DNASE2: variants seen among roughly 807,000 people sequenced by gnomAD.
DNASE2 encodes deoxyribonuclease-2-alpha.
DNASE2 carries 26 observed loss-of-function variants against 29.8 expected under a neutral mutation model. That is an observed-to-expected ratio of 0.87 (90% CI 0.64 to 1.21). The LOEUF is 1.21. Among genes scored for constraint, DNASE2 ranks in the 50% most tolerant of loss-of-function variants. The pLI, the probability that DNASE2 is intolerant of heterozygous loss-of-function variation, is 0.00. For synonymous variants in DNASE2, 186 were observed against 193.5 expected (o/e 0.96, Z 0.32); for missense variants, 415 against 455.6 (o/e 0.91, Z 0.81).
intron 2 of DNASE2, 40 bp downstream of exon 2, chr19:12,880,932 C>T (rs1225462780): frequency 2.5e-6 from 4 of 1,614,076 alleles, no homozygotes; most frequent in East Asian, 2.2e-5. Context: ...GCAGGGCAGC[C>T]CTAGAGTTTC....
At chr19:12,880,318 C>T (rs1408717128) in intron 3 of DNASE2, among the ~76,000 whole-genome samples, 3 of 151,294 alleles carry the variant, frequency 2.0e-5, no homozygotes, top group African/African-American at 4.9e-5. Context: ...GGGGAGATCT[C>T]CCACCCCACT....
intron 5 of DNASE2, 191 bp downstream of exon 5, chr19:12,878,180 TCAGATGAGTAG>T: frequency 3.1e-6 from 2 of 650,140 alleles, no homozygotes; most frequent in Admixed American, 5.1e-5. Flanking sequence ...TCCCCATTTT[TCAGATGAGTAG>T]ACCAAGGCTC....
At position 12,878,362 on chromosome 19, in the gene DNASE2, C is replaced by A; in HGVS notation, c.709+20G>T. ...TGTCTGCAGAGAAGGAGCTCTCCAA[C>A]CCTCAACCTTGAGACTCACCATCTC... On this transcript the variant is annotated intron_variant, in intron 5 of 5. Coordinates refer to ENST00000222219, the MANE Select transcript of DNASE2 (RefSeq NM_001375.3). 1 of 1,612,258 alleles carries A rather than the reference C, an allele frequency of 6.2e-7. No homozygotes were observed. The highest frequency in any genetic ancestry group is 1.3e-5 in the African/African-American group (1 of 74,986).
rs1302041511 is a variant in DNASE2, at chr19:12,878,580, C to T, written c.512-1G>A. The T allele has an allele frequency of 6.2e-7, 1 of 1,614,046 alleles. No individual in the cohort carries two copies. The highest frequency in any genetic ancestry group is 8.5e-7 in the Non-Finnish European group (1 of 1,180,010). On this transcript the variant is annotated splice_acceptor_variant, in intron 4 of 5. Transcript: ENST00000222219. LOFTEE classifies it high-confidence loss of function. The stretch of plus-strand genomic sequence containing the variant: ...GGGTAGGTGTAGGTCAGCTGCTTGC[C>T]TGGAGGACAAGGGGAGGAGGAAATG...
At position 12,881,132 on chromosome 19, in the gene DNASE2, G is replaced by A; in HGVS notation, c.107C>T (p.Pro36Leu). 6.2e-7 allele frequency: 1 copy of A among 1,611,872 alleles called. No homozygotes were observed. The highest frequency in any genetic ancestry group is 8.5e-7 in the Non-Finnish European group (1 of 1,179,996). ...PVDWFVVYKL[P>L]ALRGSGEAAQ... ...CGCCTCCCCGGACCCTCTAAGAGCT[G>A]GCAGCTTGTAGACCACGAACCTGGA... Residue 36 changes from proline to leucine, a missense_variant, in exon 2 of 6, where the codon CCA becomes CTA. Transcript: ENST00000222219.
At chr19:12,878,169 AT>A in intron 5 of DNASE2, 1 of 616,380 alleles carries the variant, frequency 1.6e-6, no homozygotes, top group Non-Finnish European at 2.9e-6. Context: ...AGATGTCAGT[AT>A]CCCCATTTTT....
Position 12,878,406 on chromosome 19 carries a change from C to A in DNASE2, c.685G>T (p.Ala229Ser), listed in dbSNP as rs759396010. 6.2e-7 allele frequency: 1 copy of A among 1,612,934 alleles called. No homozygotes were observed. Among genetic ancestry groups the A allele is most frequent in the Non-Finnish European group, 8.5e-7 (1 of 1,180,026 alleles). ...SQAGAVFQSF[A>S]KFSKFGDDLY... ...CCATCTCCAAATTTGCTGAACTTGG[C>A]AAAGCTCTGGAAAACAGCCCCGGCC... is the stretch of plus-strand genomic sequence containing the variant. Residue 229 changes from alanine to serine, a missense_variant, in exon 5 of 6, where the codon GCC becomes TCC. Coordinates refer to ENST00000222219, the MANE Select transcript of DNASE2 (RefSeq NM_001375.3).
chr19:12,877,346 T>G (rs1970333038), intron 5 of DNASE2, among the ~76,000 whole-genome samples: 1 of 150,842 alleles, frequency 6.6e-6, no homozygotes, highest in Non-Finnish European at 1.5e-5. Context: ...CTCAAGCTGT[T>G]CTCCCACCTC....
At chr19:12,879,965 C>G (rs988367062) in intron 3 of DNASE2, among the ~76,000 whole-genome samples, 1 of 152,044 alleles carries the variant, frequency 6.6e-6, no homozygotes, top group African/African-American at 2.4e-5. Flanking sequence ...TTTAGCTGGG[C>G]ATGGTGGCGC....
In DNASE2 at chr19:12,875,980, G is replaced by A. The variant is rs1247986270; in HGVS notation, c.*10C>T. On this transcript the variant is annotated 3_prime_UTR_variant, in exon 6 of 6. Transcript: ENST00000222219. ...TTACATACGTGAGCCACTGCACCTG[G>A]CCATAAGGGTTAGATCTTATAAGCT... The A allele has an allele frequency of 6.2e-7, 1 of 1,612,314 alleles. No homozygotes were observed. The highest frequency in any genetic ancestry group is 2.2e-5 in the East Asian group (1 of 44,874).
intron 4 of DNASE2, 43 bp from the exon 5 acceptor site, chr19:12,878,622 T>A (rs1568418462): frequency 1.2e-6 from 2 of 1,613,910 alleles, no homozygotes; most frequent in Admixed American, 3.3e-5. Context: ...CGTTCCAGGT[T>A]CTGGTCAGTA....
rs1037245085 is a variant in DNASE2, at chr19:12,881,129, G to A, written c.110C>T (p.Ala37Val). 1.2e-6 allele frequency: 2 copies of A among 1,611,896 alleles called. No homozygotes were observed. Among genetic ancestry groups the A allele is most frequent in the African/African-American group, 1.3e-5 (1 of 75,064 alleles). ...VDWFVVYKLP[A>V]LRGSGEAAQR... is the part of the protein sequence containing the mutation. ...CGCCGCCTCCCCGGACCCTCTAAGA[G>A]CTGGCAGCTTGTAGACCACGAACCT... Residue 37 changes from alanine (A) to valine (V), a missense_variant, in exon 2 of 6, where the codon GCT becomes GTT. Physicochemically the swap from Ala to Val is moderately conservative, Grantham distance 64 (BLOSUM62 0). Transcript: ENST00000222219.
intron 5 of DNASE2, 117 bp from the exon 6 acceptor site, chr19:12,876,480 C>T (rs1449306976): frequency 9.1e-7 from 1 of 1,101,068 alleles, no homozygotes; most frequent in Non-Finnish European, 1.2e-6. Context: ...TTTTTTTTGA[C>T]ATGGAGTCTT....
chr19:12,878,430 C>T lies in DNASE2; in HGVS notation c.661G>A (p.Ala221Thr), dbSNP rs763803681. 2.5e-6 allele frequency: 4 copies of T among 1,613,530 alleles called. No homozygotes were observed. The highest frequency in any genetic ancestry group is 1.1e-5 in the South Asian group (1 of 91,044). ...GCAAAGCTCTGGAAAACAGCCCCGG[C>T]CTGGGATGTGAGTGTGATGCTGCTG... Reference protein sequence around the residue: ...WNSSITLTSQAGAVFQSFAKF... With the variant: ...WNSSITLTSQTGAVFQSFAKF... Residue 221 changes from alanine to threonine, a missense_variant, in exon 5 of 6, where the codon GCC becomes ACC. By Grantham distance (58) the Ala-to-Thr change is moderately conservative. Transcript: ENST00000222219.
In DNASE2 at chr19:12,876,052, C is replaced by A. The variant is rs372056336; in HGVS notation, c.1021G>T (p.Val341Leu). The A allele has an allele frequency of 2.8e-5, 45 of 1,613,908 alleles. No homozygotes were observed. The highest frequency in any genetic ancestry group is 3.1e-5 in the Non-Finnish European group (37 of 1,180,018). Reference sequence around the variant, plus strand: ...CCATTACAGGGCTGGTAGTTCTTCACCAGCGGCTGGAAGGCTTTCCAGAGG... The same window carrying A: ...CCATTACAGGGCTGGTAGTTCTTCAACAGCGGCTGGAAGGCTTTCCAGAGG... ...PALWKAFQPL[V>L]KNYQPCNGMA... The change falls in exon 6 of 6, where the codon GTG becomes TTG. Residue 341 changes from valine to leucine, a missense_variant. Val to Leu is a conservative substitution (Grantham distance 32, BLOSUM62 1). Transcript: ENST00000222219.
intron 3 of DNASE2, 26 bp downstream of exon 3, chr19:12,880,776 T>A: frequency 6.2e-7 from 1 of 1,614,082 alleles, no homozygotes; most frequent in Non-Finnish European, 8.5e-7. Context: ...CCCGAGTCTC[T>A]CCCCAGCCCC....
At chr19:12,877,737 G>C (rs565510741) in intron 5 of DNASE2, among the ~76,000 whole-genome samples, 1 of 151,816 alleles carries the variant, frequency 6.6e-6, no homozygotes, top group East Asian at 1.9e-4. Context: ...GTAGAGACAG[G>C]GTTTCACCGT....
chr19:12,878,465 T>C lies in DNASE2; in HGVS notation c.626A>G (p.Glu209Gly), dbSNP rs903636310. The C allele has an allele frequency of 6.2e-6, 10 of 1,613,912 alleles. No homozygotes were observed. The highest frequency in any genetic ancestry group is 8.5e-6 in the Non-Finnish European group (10 of 1,180,048). Residue 209 changes from glutamate (E) to glycine (G), a missense_variant, in exon 5 of 6, where the codon GAA becomes GGA. Coordinates refer to ENST00000222219, the MANE Select transcript of DNASE2 (RefSeq NM_001375.3). ...GAGTGTGATGCTGCTGTTCCAGGGT[T>C]CTTGGCTAACGTGGTGGCCCTTGAC... is the stretch of plus-strand genomic sequence containing the variant. ...NVVKGHHVSQEPWNSSITLTS... is the reference protein window; with the variant it reads ...NVVKGHHVSQGPWNSSITLTS...
intron 5 of DNASE2, among the ~76,000 whole-genome samples, chr19:12,877,392 A>G (rs950880398): frequency 6.6e-6 from 1 of 150,916 alleles, no homozygotes; most frequent in Non-Finnish European, 1.5e-5. Context: ...CGTGTGTGCC[A>G]CTATGCCCCA....
Sources: gnomAD v4.1 joint callset for allele counts (sites outside exome capture counted in the v4.1 genomes callset) on GRCh38, gnomAD v4.1.1 for gene constraint, MANE v1.5 for transcripts, NCBI Gene and HGNC (gene_info 2026-07-23, HGNC 2026-07-21) for gene names.